The following MGAT3 variants were observed in gnomAD, a reference collection of about 807,000 sequenced individuals.
MGAT3 encodes the protein beta-1,4-mannosyl-glycoprotein 4-beta-N-acetylglucosaminyltransferase, also known as GlcNAc-T III.
Under a neutral mutation model 29.8 loss-of-function variants are expected in MGAT3, and 9 were observed. That is an observed-to-expected ratio of 0.30 (90% confidence interval 0.18 to 0.53). MGAT3 has a LOEUF of 0.53. Among genes scored for constraint, MGAT3 ranks in the 20% least tolerant of loss-of-function variants. The pLI is 0.96. For missense variants in MGAT3, 557 were observed against 769.5 expected (o/e 0.72, Z 3.27); for synonymous variants, 397 against 348.9 (o/e 1.14, Z -1.54).
chr22:39,459,294 G>A (rs1215179208), intron 1 of MGAT3, among the ~76,000 whole-genome samples: 3 of 152,024 alleles, frequency 2.0e-5, no homozygotes, highest in Non-Finnish European at 4.4e-5. Flanking sequence ...GGCTGGTCTC[G>A]AACTCCTGAC....
intron 1 of MGAT3, chr22:39,475,963 T>A (rs1486704787): frequency 6.6e-6 from 1 of 152,128 alleles, no homozygotes; most frequent in East Asian, 1.9e-4. Context: ...ACAAAAACAT[T>A]ATGGAATGAG....
chr22:39,475,128 C>CTTTTTTTTT lies in MGAT3; in HGVS notation c.-1-12205_-1-12197dup, dbSNP rs58543840. On this transcript the variant is annotated intron_variant, in intron 1 of 1. Coordinates refer to ENST00000341184, the MANE Select transcript of MGAT3 (RefSeq NM_002409.5). ...TGAATTCACAGCAGGGCTTGCCAGG[C>CTTTTTTTTT]TTTTTTTTTTTTTTTTTTTTTTAAC... Among the ~76,000 whole-genome samples, 230 of 118,746 alleles carry CTTTTTTTTT rather than the reference C, an allele frequency of 1.9e-3. 5 individuals carry two copies. Among genetic ancestry groups the CTTTTTTTTT allele is most frequent in the African/African-American group, 7.4e-3 (199 of 27,038 alleles). 77.9% of individuals were successfully genotyped at this position (118,746 alleles called of 152,430 possible). A position where few individuals can be genotyped will look rare whatever the true frequency, so the allele number is the denominator to read the frequency against.
Position 39,485,029 on chromosome 22 carries a change from A to T in MGAT3, c.-1-2318A>T, listed in dbSNP as rs188621156. On this transcript the variant is annotated intron_variant, in intron 1 of 1. Transcript: ENST00000341184. Reference sequence around the variant, plus strand: ...AAAAAAAAGTGAGGGGGAGAGCATGACCCAGAGAAAGAATCAAAAATAAAG... The same window carrying T: ...AAAAAAAAGTGAGGGGGAGAGCATGTCCCAGAGAAAGAATCAAAAATAAAG... 1.0e-3 allele frequency among the ~76,000 whole-genome samples: 157 copies of T among 152,228 alleles called. 2 individuals are homozygous for T. Among genetic ancestry groups the T allele is most frequent in the Admixed American group, 2.7e-3 (42 of 15,292 alleles).
At chr22:39,466,449 C>T (rs1489107213) in intron 1 of MGAT3, among the ~76,000 whole-genome samples, 1 of 152,214 alleles carries the variant, frequency 6.6e-6, no homozygotes, top group Non-Finnish European at 1.5e-5. Flanking sequence ...ACACCTCTGA[C>T]CTCCTTCCTC....
intron 1 of MGAT3, among the ~76,000 whole-genome samples, chr22:39,484,413 C>T (rs896861888): frequency 6.6e-6 from 1 of 151,992 alleles, no homozygotes; most frequent in African/African-American, 2.4e-5. Flanking sequence ...CACTCTGTTG[C>T]CCAGGTTGGA....
Position 39,488,874 on chromosome 22 carries a change from GGC to G in MGAT3, c.1529_1530del (p.Ala510GlyfsTer68). 1 of 1,599,894 alleles carries G rather than the reference GGC, an allele frequency of 6.3e-7. No homozygotes were observed. The highest frequency in any genetic ancestry group is 8.5e-7 in the Non-Finnish European group (1 of 1,173,892). ...NPYQEPRSTA[A>X]GGWRHRGPEG... ...CCTACCAGGAGCCCAGGAGCACGGC[GGC>G]GGGCGGGTGGCGCCACAGGGGTCCC... On this transcript the variant is annotated frameshift_variant, in exon 2 of 2. Transcript: ENST00000341184.
Position 39,487,041 on chromosome 22 carries a change from A to C in MGAT3, c.-1-306A>C, listed in dbSNP as rs564465326. Among the ~76,000 whole-genome samples the C allele has an allele frequency of 6.6e-6, 1 of 152,278 alleles. No homozygotes were observed. Among genetic ancestry groups the C allele is most frequent in the African/African-American group, 2.4e-5 (1 of 41,552 alleles). ...TGTTACTCCTGGAGCCAAGCCTAGC[A>C]GTGCAGCCGCACAGTCAGGGTGGGG... On this transcript the variant is annotated intron_variant, in intron 1 of 1. Transcript: ENST00000341184. This position sits in a 1 kb window ranked among gnomAD's most constrained non-coding sequence, Gnocchi z 5.7.
chr22:39,482,983 C>T (rs911700991), intron 1 of MGAT3, among the ~76,000 whole-genome samples: 6 of 152,258 alleles, frequency 3.9e-5, no homozygotes, highest in Non-Finnish European at 5.9e-5. Context: ...GCAGCTGGGT[C>T]AATCTGACCT....
Position 39,488,918 on chromosome 22 carries a change from C to G in MGAT3, c.1571C>G (p.Ala524Gly). 6.2e-7 allele frequency: 1 copy of G among 1,605,084 alleles called. No individual in the cohort carries two copies. Among genetic ancestry groups the G allele is most frequent in the Non-Finnish European group, 8.5e-7 (1 of 1,176,256 alleles). The change falls in exon 2 of 2, where the codon GCC becomes GGC. Residue 524 changes from alanine (A) to glycine (G), a missense_variant. Ala to Gly is a moderately conservative substitution (Grantham distance 60). Transcript: ENST00000341184. Reference sequence around the variant, plus strand: ...AGGGGTCCCGAGGGAAGGCCGCCCGCCCGGGGCAAACTGGACGAGGCGGAA... The same window carrying G: ...AGGGGTCCCGAGGGAAGGCCGCCCGGCCGGGGCAAACTGGACGAGGCGGAA... Reference protein sequence around the residue: ...RHRGPEGRPPARGKLDEAEV With the variant: ...RHRGPEGRPPGRGKLDEAEV
intron 1 of MGAT3, among the ~76,000 whole-genome samples, chr22:39,479,766 G>A (rs1929072464): frequency 6.6e-6 from 1 of 152,254 alleles, no homozygotes; most frequent in Admixed American, 6.5e-5. Flanking sequence ...TGGCAGAGCT[G>A]GGATTTGAAC....
At chr22:39,479,748 G>T (rs1370013862) in intron 1 of MGAT3, among the ~76,000 whole-genome samples, 4 of 152,268 alleles carry the variant, frequency 2.6e-5, no homozygotes, top group African/African-American at 9.6e-5. Flanking sequence ...AGGCCACACA[G>T]ATAGGAGTGG....
At position 39,490,083 on chromosome 22, in the gene MGAT3, A is replaced by T. The variant is rs1292981292; in HGVS notation, c.*1134A>T. ...CTGTGATTAGGAGACCCTGAAATACAGTGGTTTAAGCAAGATGGAAGCTTG... is the reference window on the plus strand; with the variant it reads ...CTGTGATTAGGAGACCCTGAAATACTGTGGTTTAAGCAAGATGGAAGCTTG... On this transcript the variant is annotated 3_prime_UTR_variant, in exon 2 of 2. Coordinates refer to ENST00000341184, the MANE Select transcript of MGAT3 (RefSeq NM_002409.5). 1 of 167,282 alleles carries T rather than the reference A, an allele frequency of 6.0e-6. No individual in the cohort carries two copies. The highest frequency in any genetic ancestry group is 2.4e-5 in the African/African-American group (1 of 41,460). The allele number at this position is 167,282 out of a possible 1,614,324, so 10.4% of individuals were successfully genotyped here. A position where few individuals can be genotyped will look rare whatever the true frequency, so the allele number is the denominator to read the frequency against.
At chr22:39,467,407 G>A (rs1427065535) in intron 1 of MGAT3, among the ~76,000 whole-genome samples, 1 of 152,198 alleles carries the variant, frequency 6.6e-6, no homozygotes, top group Non-Finnish European at 1.5e-5. Context: ...GGGCATCCCA[G>A]GCCTAGGAAA....
In MGAT3 at chr22:39,489,064, AGTGGGG is replaced by A; in HGVS notation, c.*124_*129del. The A allele has an allele frequency of 7.9e-6, 3 of 379,736 alleles. No individual in the cohort carries two copies. The highest frequency in any genetic ancestry group is 1.4e-5 in the Non-Finnish European group (3 of 208,072). 23.5% of individuals were successfully genotyped at this position (379,736 alleles called of 1,614,324 possible). On this transcript the variant is annotated 3_prime_UTR_variant, in exon 2 of 2. Transcript: ENST00000341184. ...TTGAGGGGACCAGGAGTGGGTGGGG[AGTGGGG>A]GTGGGGGTAGGGTTTCCCTACTGAA...
intron 1 of MGAT3, among the ~76,000 whole-genome samples, chr22:39,465,704 G>T (rs951898757): frequency 2.0e-5 from 3 of 152,100 alleles, no homozygotes; most frequent in Non-Finnish European, 4.4e-5. Flanking sequence ...GGCCGAGGGG[G>T]GTGGATCACC....
chr22:39,487,511 C>T lies in MGAT3; in HGVS notation c.164C>T (p.Pro55Leu), dbSNP rs745788091. 3.1e-6 allele frequency: 5 copies of T among 1,613,206 alleles called. No homozygotes were observed. Among genetic ancestry groups the T allele is most frequent in the African/African-American group, 1.3e-5 (1 of 74,876 alleles). Residue 55 changes from proline (P) to leucine (L), a missense_variant, in exon 2 of 2, where the codon CCG (proline) becomes CTG (leucine). By Grantham distance (98) the Pro-to-Leu change is moderately conservative. This residue lies in a region of MGAT3 where 212 missense variants were observed against 228.5 expected (regional missense o/e 0.93). Coordinates refer to ENST00000341184, the MANE Select transcript of MGAT3 (RefSeq NM_002409.5). The surrounding 1 kb of genome is among the most constrained non-coding windows in gnomAD (Gnocchi z 5.7). ...LVSSFFWNNAPVTPQASPEPG... is the reference protein window; with the variant it reads ...LVSSFFWNNALVTPQASPEPG... ...TCCAGCTTTTTCTGGAACAATGCCC[C>T]GGTCACGCCCCAGGCCAGCCCCGAG...
At chr22:39,475,795 C>T (rs779889315) in intron 1 of MGAT3, 6 of 152,288 alleles carry the variant, frequency 3.9e-5, no homozygotes, top group Non-Finnish European at 7.3e-5. Flanking sequence ...GTAGGAACCA[C>T]TAGAGCATGC....
At chr22:39,465,046 C>T (rs909479881) in intron 1 of MGAT3, among the ~76,000 whole-genome samples, 8 of 152,200 alleles carry the variant, frequency 5.3e-5, no homozygotes, top group Non-Finnish European at 8.8e-5. Flanking sequence ...TGAGCCACCA[C>T]GCCCGGCCTC....
At chr22:39,478,113 G>C (rs562987528) in intron 1 of MGAT3, among the ~76,000 whole-genome samples, 1 of 152,376 alleles carries the variant, frequency 6.6e-6, no homozygotes, top group East Asian at 1.9e-4. Flanking sequence ...GCAGGACCAG[G>C]CCGGGTGGAA....
Sources: gnomAD v4.1 joint callset for allele counts (sites outside exome capture counted in the v4.1 genomes callset) on GRCh38, gnomAD v4.1.1 for gene constraint, gnomAD v4.1.1 regional missense constraint, Gnocchi (gnomAD v3.1) non-coding constraint, MANE v1.5 for transcripts, NCBI Gene and HGNC (gene_info 2026-07-23, HGNC 2026-07-21) for gene names.